The following SVIL variants were observed in gnomAD, a reference collection of about 807,000 sequenced individuals.
The protein encoded by SVIL is supervillin.
Under a neutral mutation model 240.4 loss-of-function variants are expected in SVIL, and 101 were observed. That is an observed-to-expected ratio of 0.42 (90% CI 0.36 to 0.50). The LOEUF (loss-of-function observed/expected upper bound fraction) is 0.50, where lower values mean the gene tolerates loss of function less well. Ranked by LOEUF, SVIL falls within the 20% of genes least tolerant of loss-of-function variation. SVIL has a pLI of 0.01. For synonymous variants in SVIL, 999 were observed against 1,100.0 expected (o/e 0.91, Z 1.82); for missense variants, 2,512 against 2,818.7 (o/e 0.89, Z 2.46).
chr10:29,486,356 G>A (rs775118420), intron 25 of SVIL, 54 bp downstream of exon 25: 27 of 1,605,910 alleles, frequency 1.7e-5, no homozygotes, highest in African/African-American at 4.0e-5. Context: ...TGAGCTAAGG[G>A]AGAAGAAAGG....
upstream of SVIL, among the ~76,000 whole-genome samples, chr10:29,638,496 T>C (rs1958383390): frequency 6.6e-6 from 1 of 152,116 alleles, no homozygotes; most frequent in Non-Finnish European, 1.5e-5. Flanking sequence ...TTAAGTATTT[T>C]TTCCAAGGAA....
At chr10:29,460,688 G>A (rs1467219715) in intron 36 of SVIL, among the ~76,000 whole-genome samples, 1 of 152,110 alleles carries the variant, frequency 6.6e-6, no homozygotes, top group Middle Eastern at 3.2e-3. Flanking sequence ...GTGGGCAGAT[G>A]GCTTGAGCTC....
chr10:29,608,049 C>T (rs1269762), intron 1 of SVIL, among the ~76,000 whole-genome samples: 1 of 152,002 alleles, frequency 6.6e-6, no homozygotes, highest in Non-Finnish European at 1.5e-5. Flanking sequence ...GCTTATCAAA[C>T]GCTGTCAGCA....
chr10:29,588,680 A>G (rs1287544770), intron 1 of SVIL, among the ~76,000 whole-genome samples: 1 of 152,238 alleles, frequency 6.6e-6, no homozygotes, highest in Non-Finnish European at 1.5e-5. Context: ...CCAAACGGAA[A>G]GTGAAGCTTA....
At chr10:29,700,529 A>G (rs929942097) in intron 1 of SVIL, among the ~76,000 whole-genome samples, 23 of 133,960 alleles carry the variant, frequency 1.7e-4, no homozygotes, top group Admixed American at 9.6e-4. Flanking sequence ...GGAGTGCAGT[A>G]GTGCGATCTC....
chr10:29,696,625 G>A (rs1224654837), intron 1 of SVIL, among the ~76,000 whole-genome samples: 1 of 151,118 alleles, frequency 6.6e-6, no homozygotes, highest in Non-Finnish European at 1.5e-5. Flanking sequence ...GATGTGAGGA[G>A]CGCCTCGGCC....
chr10:29,480,419 A>G (rs4018660), intron 29 of SVIL, 118 bp downstream of exon 29: 24 of 1,290,320 alleles, frequency 1.9e-5, no homozygotes, highest in South Asian at 2.8e-5. Flanking sequence ...GCATGACTGC[A>G]GTGCCCCACT....
intron 3 of SVIL, among the ~76,000 whole-genome samples, chr10:29,560,003 T>A (rs1345312737): frequency 6.6e-6 from 1 of 152,200 alleles, no homozygotes; most frequent in Non-Finnish European, 1.5e-5. Flanking sequence ...CATTGTTGAG[T>A]TCAGTCCTCC....
chr10:29,532,207 G>A (rs1951422098), intron 8 of SVIL, 35 bp from the exon 9 acceptor site: 4 of 1,600,320 alleles, frequency 2.5e-6, no homozygotes, highest in Non-Finnish European at 3.4e-6. Context: ...TATAAGGAAG[G>A]CAAACGAAGA....
chr10:29,501,813 A>G (rs774931017), intron 17 of SVIL, among the ~76,000 whole-genome samples: 2 of 152,220 alleles, frequency 1.3e-5, no homozygotes, highest in African/African-American at 4.8e-5. Flanking sequence ...CTTGGCTTCA[A>G]ATATTTCCAA....
intron 18 of SVIL, among the ~76,000 whole-genome samples, chr10:29,496,993 G>A (rs1948495682): frequency 1.3e-5 from 2 of 152,304 alleles, no homozygotes; most frequent in East Asian, 1.9e-4. Context: ...TGGGGCTCAC[G>A]TTAAAGGAGT....
chr10:29,582,562 C>T (rs548302662), intron 1 of SVIL, among the ~76,000 whole-genome samples: 1 of 152,068 alleles, frequency 6.6e-6, no homozygotes, highest in Non-Finnish European at 1.5e-5. Flanking sequence ...CATAGTGAGA[C>T]CCCCATCTTT....
chr10:29,507,406 C>T (rs1351890608), intron 17 of SVIL, among the ~76,000 whole-genome samples: 2 of 152,168 alleles, frequency 1.3e-5, no homozygotes, highest in African/African-American at 4.8e-5. Flanking sequence ...GCCATCCAGT[C>T]CACCTGAAAA....
At chr10:29,698,654 T>A (rs117066584) in intron 1 of SVIL, among the ~76,000 whole-genome samples, 2,401 of 120,500 alleles carry the variant, frequency 0.02, 41 homozygotes, top group East Asian at 0.11. Flanking sequence ...CTAAAAAAAA[T>A]AAAAATAAAA....
At chr10:29,580,144 CA>C (rs1051625063) in intron 1 of SVIL, among the ~76,000 whole-genome samples, 2 of 151,362 alleles carry the variant, frequency 1.3e-5, no homozygotes, top group African/African-American at 4.9e-5. Flanking sequence ...GCCTGGGCAA[CA>C]AAGTTAGACT....
chr10:29,655,492 A>G (rs1564739479), intron 3 of SVIL, among the ~76,000 whole-genome samples: 1 of 152,174 alleles, frequency 6.6e-6, no homozygotes, highest in Non-Finnish European at 1.5e-5. Context: ...CGCTCTTGCC[A>G]TGCTGGGCAG....
At chr10:29,652,011 A>G (rs1488165427) in intron 3 of SVIL, among the ~76,000 whole-genome samples, 2 of 143,792 alleles carry the variant, frequency 1.4e-5, no homozygotes, top group African/African-American at 4.9e-5. Context: ...TGTAAGACAC[A>G]CACACAAACA....
Position 29,509,928 on chromosome 10 carries a change from G to T in SVIL, c.3516+2807C>A, listed in dbSNP as rs144210945. Among the ~76,000 whole-genome samples the T allele has an allele frequency of 3.3e-3, 509 of 152,276 alleles. 2 individuals are homozygous for T. Among genetic ancestry groups the T allele is most frequent in the African/African-American group, 0.011 (472 of 41,554 alleles). The stretch of plus-strand genomic sequence containing the variant: ...TTGTTTTTGTTTTTGTTTGAGACAG[G>T]GTCTTGCTTTGTCACCCGAGCTGGA... On this transcript the variant is annotated intron_variant, in intron 17 of 37. Transcript: ENST00000355867.
At chr10:29,667,867 A>AG (rs1383760197) in intron 2 of SVIL, among the ~76,000 whole-genome samples, 1 of 152,090 alleles carries the variant, frequency 6.6e-6, no homozygotes, top group African/African-American at 2.4e-5. Context: ...AAAAAAAAAA[A>AG]AAATAAGCTG....
Sources: gnomAD v4.1 joint callset for allele counts (sites outside exome capture counted in the v4.1 genomes callset) on GRCh38, gnomAD v4.1.1 for gene constraint, MANE v1.5 for transcripts, NCBI Gene and HGNC (gene_info 2026-07-23, HGNC 2026-07-21) for gene names.